The following CMYA5 variants were observed in gnomAD, a reference collection of about 807,000 sequenced individuals.
The protein encoded by CMYA5 is cardiomyopathy associated 5.
Under a neutral mutation model 318.9 loss-of-function variants are expected in CMYA5, and 246 were observed. The ratio of observed to expected loss-of-function variants is 0.77; its 90% CI spans 0.70 to 0.86. The LOEUF (loss-of-function observed/expected upper bound fraction) is 0.86, where lower values mean the gene tolerates loss of function less well. Ranked by LOEUF, CMYA5 falls within the 40% of genes least tolerant of loss-of-function variation. CMYA5 has a pLI of 0.00. For synonymous variants in CMYA5, 1,641 were observed against 1,729.5 expected (o/e 0.95, Z 1.27); for missense variants, 4,589 against 4,678.2 (o/e 0.98, Z 0.56).
rs150269945 is a variant in CMYA5, at chr5:79,764,012, T to A, written c.11555+803T>A. On this transcript the variant is annotated intron_variant, in intron 9 of 12. Coordinates refer to ENST00000446378, the MANE Select transcript of CMYA5 (RefSeq NM_153610.5). ...TATGAAACTAGACAGCTTTTTTTTT[T>A]TTATTACACTTTAAGTTCTGGGATA... Among the ~76,000 whole-genome samples the A allele has an allele frequency of 8.5e-3, 1,295 of 152,244 alleles. 9 individuals are homozygous for A. Among genetic ancestry groups the A allele is most frequent in the Middle Eastern group, 0.024 (7 of 294 alleles).
At chr5:79,713,272 G>T (rs920977772) in intron 1 of CMYA5, among the ~76,000 whole-genome samples, 18 of 150,918 alleles carry the variant, frequency 1.2e-4, no homozygotes, top group Non-Finnish European at 1.8e-4. Context: ...CAGCACACAG[G>T]ACAGTCCCCA....
At chr5:79,694,473 T>A (rs755887468) in intron 1 of CMYA5, among the ~76,000 whole-genome samples, 1 of 152,194 alleles carries the variant, frequency 6.6e-6, no homozygotes, top group Non-Finnish European at 1.5e-5. Flanking sequence ...TAGAAACTTT[T>A]CAGCATTTTT....
intron 1 of CMYA5, among the ~76,000 whole-genome samples, chr5:79,714,944 G>T (rs1364941249): frequency 6.6e-6 from 1 of 152,056 alleles, no homozygotes; most frequent in South Asian, 2.1e-4. Context: ...ATTTTGCAAG[G>T]CTCATTTAAA....
chr5:79,776,452 T>C (rs1346373820), intron 9 of CMYA5, among the ~76,000 whole-genome samples: 1 of 152,228 alleles, frequency 6.6e-6, no homozygotes, highest in Non-Finnish European at 1.5e-5. Flanking sequence ...AGTTGGTTTT[T>C]TATATTTAAT....
At chr5:79,728,824 T>A in intron 1 of CMYA5, 91 bp from the exon 2 acceptor site, 2 of 568,484 alleles carry the variant, frequency 3.5e-6, no homozygotes, top group Non-Finnish European at 5.0e-6. Flanking sequence ...TTCACATTAA[T>A]CCTTTACCTG....
intron 12 of CMYA5, 94 bp from the exon 13 acceptor site, chr5:79,799,276 A>C: frequency 7.7e-7 from 1 of 1,292,758 alleles, no homozygotes. Flanking sequence ...AAGTGGAGTT[A>C]ATAACTGAAG....
chr5:79,700,134 A>G (rs1226580131), intron 1 of CMYA5, among the ~76,000 whole-genome samples: 2 of 152,254 alleles, frequency 1.3e-5, no homozygotes, highest in Non-Finnish European at 2.9e-5. Context: ...TGTTCAGTTC[A>G]TACTTGCTGC....
chr5:79,737,806 C>T lies in CMYA5; in HGVS notation c.9041C>T (p.Thr3014Ile). 1 of 1,608,302 alleles carries T rather than the reference C, an allele frequency of 6.2e-7. No individual in the cohort carries two copies. The highest frequency in any genetic ancestry group is 8.5e-7 in the Non-Finnish European group (1 of 1,178,594). Residue 3014 changes from threonine to isoleucine, a missense_variant, in exon 2 of 13, where the codon ACC becomes ATC. Physicochemically the swap from Thr to Ile is moderately conservative, Grantham distance 89 (BLOSUM62 -1). Transcript: ENST00000446378. ...LKSRLEDEKV[T>I]PLKENKQKET... ...AGCAGGTTAGAAGATGAAAAAGTTA[C>T]CCCATTGAAAGAAAATAAACAAAAG...
chr5:79,757,862 G>A (rs112879006), intron 6 of CMYA5, among the ~76,000 whole-genome samples: 6 of 152,172 alleles, frequency 3.9e-5, no homozygotes, highest in Non-Finnish European at 8.8e-5. Flanking sequence ...TTATTTCTGT[G>A]TGTATTATAT....
chr5:79,710,716 C>A (rs925019651), intron 1 of CMYA5, among the ~76,000 whole-genome samples: 2 of 151,992 alleles, frequency 1.3e-5, no homozygotes, highest in African/African-American at 2.4e-5. Flanking sequence ...TTTATTTTTA[C>A]AGGTAGGACC....
chr5:79,717,096 C>T (rs1580756057), intron 1 of CMYA5, among the ~76,000 whole-genome samples: 2 of 152,296 alleles, frequency 1.3e-5, no homozygotes, highest in Middle Eastern at 6.8e-3. Context: ...GCAGGCTGCT[C>T]TCAAATAACC....
In CMYA5 at chr5:79,738,787, C is replaced by T. The variant is rs753558767; in HGVS notation, c.10022C>T (p.Pro3341Leu). ...ACCCAGAAAATAAGTTATGCGGTTCCATTTGAAGACACCCATCATGTTCTG... is the reference window on the plus strand; with the variant it reads ...ACCCAGAAAATAAGTTATGCGGTTCTATTTGAAGACACCCATCATGTTCTG... ...VATQKISYAVPFEDTHHVLER... is the reference protein window; with the variant it reads ...VATQKISYAVLFEDTHHVLER... The change falls in exon 2 of 13, where the codon CCA (proline) becomes CTA (leucine). Residue 3341 changes from proline to leucine, a missense_variant. Physicochemically the swap from Pro to Leu is moderately conservative, Grantham distance 98. Coordinates refer to ENST00000446378, the MANE Select transcript of CMYA5 (RefSeq NM_153610.5). The T allele has an allele frequency of 6.2e-7, 1 of 1,613,858 alleles. No individual in the cohort carries two copies. The highest frequency in any genetic ancestry group is 1.3e-5 in the African/African-American group (1 of 75,012).
chr5:79,705,109 TA>T (rs1827246637), intron 1 of CMYA5, among the ~76,000 whole-genome samples: 1 of 152,022 alleles, frequency 6.6e-6, no homozygotes, highest in South Asian at 2.1e-4. Flanking sequence ...CTGTCTCTAC[TA>T]AAAATACAAA....
chr5:79,730,358 C>T lies in CMYA5; in HGVS notation c.1593C>T (p.Ile531=), dbSNP rs988006197. 1.5e-5 allele frequency: 24 copies of T among 1,613,792 alleles called. No individual in the cohort carries two copies. Among genetic ancestry groups the T allele is most frequent in the South Asian group, 4.4e-5 (4 of 91,050 alleles). ...ATTCTAATTTAGTAGAAGAAGAGAT[C>T]GTAGAACTTGATTACCCAGAAAGCC... ...PEDSNLVEEE[I]VELDYPESPL... is the part of the protein sequence containing the mutation. Residue 531 remains isoleucine (I), a synonymous_variant, in exon 2 of 13, where the codon ATC becomes ATT. Coordinates refer to ENST00000446378, the MANE Select transcript of CMYA5 (RefSeq NM_153610.5).
chr5:79,790,232 A>G (rs1829151774), intron 10 of CMYA5, among the ~76,000 whole-genome samples: 1 of 151,768 alleles, frequency 6.6e-6, no homozygotes, highest in Non-Finnish European at 1.5e-5. Context: ...CTGTCCTTCC[A>G]TTGTTAGAGT....
intron 10 of CMYA5, among the ~76,000 whole-genome samples, chr5:79,789,925 A>G (rs1829146608): frequency 6.6e-6 from 1 of 152,250 alleles, no homozygotes; most frequent in Non-Finnish European, 1.5e-5. Context: ...CAAGGAAGTG[A>G]TAAAACTATT....
chr5:79,766,388 C>T (rs1042811712), intron 9 of CMYA5, among the ~76,000 whole-genome samples: 2 of 152,194 alleles, frequency 1.3e-5, no homozygotes, highest in African/African-American at 2.4e-5. Context: ...GGGTGAGTCA[C>T]CGCGCCTGGC....
rs1827865052 is a variant in CMYA5, at chr5:79,730,467, G to A, written c.1702G>A (p.Ala568Thr). 6.2e-7 allele frequency: 1 copy of A among 1,613,734 alleles called. No homozygotes were observed. Among genetic ancestry groups the A allele is most frequent in the Non-Finnish European group, 8.5e-7 (1 of 1,179,870 alleles). The change falls in exon 2 of 13, where the codon GCA (alanine) becomes ACA (threonine). Residue 568 changes from alanine to threonine, a missense_variant. Around this residue, in one of 3 missense-constraint regions of CMYA5, gnomAD observed 2,132 missense variants for 2,131.3 expected, o/e 1.00. Coordinates refer to ENST00000446378, the MANE Select transcript of CMYA5 (RefSeq NM_153610.5). ...AGAAGAGCTTATTCTACCATTATTG[G>A]CAGCATCATCTCCTGAACATGTTGC... ...KEEELILPLL[A>T]ASSPEHVALS...
chr5:79,714,495 G>A (rs1037796183), intron 1 of CMYA5, among the ~76,000 whole-genome samples: 4 of 137,160 alleles, frequency 2.9e-5, no homozygotes, highest in African/African-American at 1.1e-4. Flanking sequence ...GTGCAGTGCT[G>A]TGACTGACCA....
Sources: allele counts gnomAD v4.1 joint callset (sites outside exome capture counted in the v4.1 genomes callset), GRCh38; gene constraint gnomAD v4.1.1; regional missense constraint gnomAD v4.1.1; transcripts MANE v1.5; gene names NCBI Gene and HGNC (gene_info 2026-07-23, HGNC 2026-07-21).